LARP4B: variants seen among roughly 807,000 people sequenced by gnomAD.
LARP4B encodes the protein La ribonucleoprotein 4B.
LARP4B carries 12 observed loss-of-function variants against 89.8 expected under a neutral mutation model. That is an observed-to-expected ratio of 0.13 (90% CI 0.09 to 0.22). LARP4B has a LOEUF of 0.22. Ranked by LOEUF, LARP4B falls within the 10% of genes least tolerant of loss-of-function variation. The pLI, the probability that LARP4B is intolerant of heterozygous loss-of-function variation, is 1.00. For synonymous variants in LARP4B, 367 were observed against 363.3 expected (o/e 1.01, Z -0.12); for missense variants, 757 against 947.7 (o/e 0.80, Z 2.64).
chr10:860,129 G>C (rs1334003376), intron 5 of LARP4B, among the ~76,000 whole-genome samples: 3 of 30,448 alleles, frequency 9.9e-5, no homozygotes, highest in Non-Finnish European at 2.5e-4. Flanking sequence ...TGTGGGGGTG[G>C]GGGGGAGGGG....
the LARP4B span, among the ~76,000 whole-genome samples, chr10:978,591 A>G: frequency 2.0e-5 from 3 of 152,278 alleles, no homozygotes; most frequent in East Asian, 5.8e-4. Flanking sequence ...TATAACAGGG[A>G]TACTTAATTT....
the LARP4B span, chr10:987,853 C>T: frequency 6.6e-6 from 1 of 152,390 alleles, no homozygotes; most frequent in African/African-American, 2.4e-5. Flanking sequence ...CCCTTCTCCG[C>T]CCGTTTTGGG....
intron 1 of LARP4B, among the ~76,000 whole-genome samples, chr10:904,904 T>TTG (rs1836447355): frequency 6.6e-6 from 1 of 152,236 alleles, no homozygotes; most frequent in Non-Finnish European, 1.5e-5. Flanking sequence ...AACCAGACTG[T>TTG]CCACATGGGT....
At chr10:900,776 C>T (rs1358354980) in intron 1 of LARP4B, among the ~76,000 whole-genome samples, 1 of 150,848 alleles carries the variant, frequency 6.6e-6, no homozygotes, top group Non-Finnish European at 1.5e-5. Flanking sequence ...CACGCCACCA[C>T]GCTTGGCTAA....
At chr10:910,106 A>G (rs11253504) in intron 1 of LARP4B, among the ~76,000 whole-genome samples, 19,311 of 152,202 alleles carry the variant, frequency 0.13, 1,627 homozygotes, top group Non-Finnish European at 0.19. Flanking sequence ...TGGCTGCCTT[A>G]CCCTTATCTT....
At chr10:988,275 G>A in the LARP4B span, 20 of 585,078 alleles carry the variant, frequency 3.4e-5, no homozygotes, top group South Asian at 3.4e-4. Context: ...CCTCGCTCCT[G>A]AGGCCCTCAC....
intron 7 of LARP4B, among the ~76,000 whole-genome samples, chr10:840,686 T>C (rs1173593421): frequency 2.6e-5 from 4 of 152,074 alleles, no homozygotes; most frequent in Non-Finnish European, 5.9e-5. Flanking sequence ...TACTGTGACA[T>C]TAAAAATAAT....
At chr10:825,894 A>C in intron 11 of LARP4B, 24 bp from the exon 12 acceptor site, 1 of 1,476,132 alleles carries the variant, frequency 6.8e-7, no homozygotes, top group Non-Finnish European at 9.4e-7. Flanking sequence ...AAAACAGACA[A>C]GTAAATAAAC....
intron 5 of LARP4B, among the ~76,000 whole-genome samples, chr10:854,307 GA>G (rs1834196264): frequency 6.6e-6 from 1 of 152,100 alleles, no homozygotes; most frequent in Admixed American, 6.5e-5. Context: ...CTTCCCTCAC[GA>G]ATCACAAATG....
the LARP4B span, among the ~76,000 whole-genome samples, chr10:970,369 G>A: frequency 3.3e-5 from 5 of 152,202 alleles, no homozygotes; most frequent in Non-Finnish European, 5.9e-5. Flanking sequence ...TTTCAGGGGC[G>A]TTTTAAGGGA....
chr10:894,779 G>A (rs1836137433), intron 1 of LARP4B, among the ~76,000 whole-genome samples: 1 of 152,154 alleles, frequency 6.6e-6, no homozygotes, highest in Non-Finnish European at 1.5e-5. Context: ...AAGTTTAAGG[G>A]AAGAGAAGAA....
chr10:833,557 A>G (rs992703678), intron 8 of LARP4B, among the ~76,000 whole-genome samples: 1 of 152,238 alleles, frequency 6.6e-6, no homozygotes, highest in African/African-American at 2.4e-5. Context: ...TCATTACATC[A>G]TTAACCTCTT....
chr10:880,178 A>T (rs1835614278), intron 3 of LARP4B, among the ~76,000 whole-genome samples: 1 of 152,180 alleles, frequency 6.6e-6, no homozygotes, highest in Admixed American at 6.5e-5. Flanking sequence ...TTGCGTACAA[A>T]TACAGGAGTT....
chr10:968,116 G>T, the LARP4B span, among the ~76,000 whole-genome samples: 1 of 152,132 alleles, frequency 6.6e-6, no homozygotes, highest in Non-Finnish European at 1.5e-5. Context: ...TAAAAGATTG[G>T]ATTCAATTCC....
chr10:929,706 T>C (rs1837247268), intron 1 of LARP4B, among the ~76,000 whole-genome samples: 1 of 152,184 alleles, frequency 6.6e-6, no homozygotes, highest in Non-Finnish European at 1.5e-5. Flanking sequence ...CATCCCCCTG[T>C]TACAATTGAG....
At chr10:963,908 G>A in the LARP4B span, among the ~76,000 whole-genome samples, 25 of 152,298 alleles carry the variant, frequency 1.6e-4, no homozygotes, top group Admixed American at 5.2e-4. Flanking sequence ...ACCTCTCAGT[G>A]CTGTTGCCTT....
chr10:982,349 C>T, the LARP4B span, among the ~76,000 whole-genome samples: 1 of 152,146 alleles, frequency 6.6e-6, no homozygotes, highest in Non-Finnish European at 1.5e-5. Flanking sequence ...CCTTGGCCTC[C>T]CAAAGTGCTG....
At chr10:926,689 ATC>A (rs1010092649) in intron 1 of LARP4B, among the ~76,000 whole-genome samples, 19 of 152,366 alleles carry the variant, frequency 1.2e-4, no homozygotes, top group Admixed American at 1.0e-3. Flanking sequence ...ATCAAGTCTC[ATC>A]TCTATGATTA....
At chr10:881,443 ACACTT>A (rs1835663381) in intron 3 of LARP4B, among the ~76,000 whole-genome samples, 1 of 152,072 alleles carries the variant, frequency 6.6e-6, no homozygotes, top group African/African-American at 2.4e-5. Context: ...TTACCTTACT[ACACTT>A]CACTTGAGTC....
Sources: allele counts gnomAD v4.1 joint callset (sites outside exome capture counted in the v4.1 genomes callset), GRCh38; gene constraint gnomAD v4.1.1; transcripts MANE v1.5; gene names NCBI Gene and HGNC (gene_info 2026-07-23, HGNC 2026-07-21).